Variants in BICRAL observed in about 807,000 individuals in gnomAD.
The protein encoded by BICRAL is BICRA like chromatin remodeling complex associated protein.
In BICRAL, 8 loss-of-function variants were observed where a neutral mutation model predicts 91.8. The observed-to-expected ratio is 0.09, with a 90% CI of 0.05 to 0.16. The LOEUF is 0.16. Ranked by LOEUF, BICRAL falls within the 10% of genes least tolerant of loss-of-function variation. The pLI, the probability that BICRAL is intolerant of heterozygous loss-of-function variation, is 1.00. For missense variants in BICRAL, 1,038 were observed against 1,310.9 expected, an observed-to-expected ratio of 0.79 and a Z score of 3.21; for synonymous variants, 445 against 491.1, an observed-to-expected ratio of 0.91 and a Z score of 1.24.
At chr6:42,794,979 T>TTA (rs528437045) in intron 1 of BICRAL, among the ~76,000 whole-genome samples, 48 of 149,132 alleles carry the variant, frequency 3.2e-4, no homozygotes, top group African/African-American at 1.1e-3. Flanking sequence ...AAAAAGAAAC[T>TTA]TACCATAAGT....
At chr6:42,805,520 G>A (rs1763680319) in intron 1 of BICRAL, among the ~76,000 whole-genome samples, 1 of 152,172 alleles carries the variant, frequency 6.6e-6, no homozygotes, top group Non-Finnish European at 1.5e-5. Flanking sequence ...GCCTGCTTCT[G>A]TTGCAGGTTT....
chr6:42,815,482 G>T (rs1000581314), intron 2 of BICRAL, among the ~76,000 whole-genome samples: 7 of 151,822 alleles, frequency 4.6e-5, no homozygotes, highest in Admixed American at 4.6e-4. Flanking sequence ...GTGAGCCACC[G>T]TGCCCAGCCC....
chr6:42,753,367 C>T (rs1762410007), intron 1 of BICRAL, among the ~76,000 whole-genome samples: 1 of 151,438 alleles, frequency 6.6e-6, no homozygotes, highest in South Asian at 2.1e-4. Context: ...CTTGGCCAAT[C>T]ATTGCTATAA....
chr6:42,845,201 T>G lies in BICRAL; in HGVS notation c.1840-6891T>G, dbSNP rs1764964123. On this transcript the variant is annotated intron_variant, in intron 6 of 12. Coordinates refer to ENST00000314073, the MANE Select transcript of BICRAL (RefSeq NM_001393499.1). ...TGTTTTTTGTTTTTTGGGTGTTTTT[T>G]TTTTTTTTTTTTTTTTTTTTTTTTT... is the stretch of plus-strand genomic sequence containing the variant. 9.9e-4 allele frequency among the ~76,000 whole-genome samples: 15 copies of G among 15,156 alleles called. 2 individuals are homozygous for G. Among genetic ancestry groups the G allele is most frequent in the South Asian group, 4.7e-3 (2 of 426 alleles). The allele number at this position is 15,156 out of a possible 152,430, so 9.9% of individuals were successfully genotyped here. A position where few individuals can be genotyped will look rare whatever the true frequency, so the allele number is the denominator to read the frequency against.
chr6:42,784,290 A>C (rs1029582348), intron 1 of BICRAL, among the ~76,000 whole-genome samples: 8 of 152,338 alleles, frequency 5.3e-5, no homozygotes, highest in African/African-American at 1.9e-4. Flanking sequence ...TGTTGGTAGT[A>C]TCTATTAGAG....
At chr6:42,780,467 G>A (rs1284531818), upstream of BICRAL, among the ~76,000 whole-genome samples, 2 of 152,142 alleles carry the variant, frequency 1.3e-5, no homozygotes, top group Non-Finnish European at 2.9e-5. Flanking sequence ...CTACTCCATA[G>A]GCAGAGCAGC....
At chr6:42,821,066 C>T (rs911266472) in intron 2 of BICRAL, 1 of 152,264 alleles carries the variant, frequency 6.6e-6, no homozygotes, top group Admixed American at 6.5e-5. Flanking sequence ...GGCATCTTTT[C>T]AGGATTTCAT....
chr6:42,760,291 C>T (rs989068042), intron 1 of BICRAL, among the ~76,000 whole-genome samples: 3 of 141,748 alleles, frequency 2.1e-5, no homozygotes, highest in African/African-American at 2.7e-5. Flanking sequence ...GGCCGAGGCA[C>T]GCGGATCACC....
At chr6:42,838,286 A>G (rs912835375) in intron 6 of BICRAL, among the ~76,000 whole-genome samples, 4 of 152,232 alleles carry the variant, frequency 2.6e-5, no homozygotes, top group South Asian at 4.1e-4. Context: ...TTTAGTCTGT[A>G]ACAGCACTGA....
chr6:42,746,691 T>C (rs1254318505), upstream of BICRAL, among the ~76,000 whole-genome samples: 2 of 149,288 alleles, frequency 1.3e-5, no homozygotes, highest in African/African-American at 5.0e-5. Flanking sequence ...CATTTCTGCC[T>C]CCCCGTAGCC....
chr6:42,844,377 C>T (rs1582866068), intron 6 of BICRAL, among the ~76,000 whole-genome samples: 1 of 150,930 alleles, frequency 6.6e-6, no homozygotes, highest in East Asian at 2.0e-4. Context: ...GGAGTGGTGG[C>T]GGGCACCTGT....
intron 1 of BICRAL, among the ~76,000 whole-genome samples, chr6:42,807,328 C>T (rs960797737): frequency 7.2e-5 from 11 of 151,748 alleles, no homozygotes; most frequent in African/African-American, 1.7e-4. Context: ...CGACTACAGG[C>T]GCCCGCCACC....
chr6:42,835,378 C>T (rs1764609623), intron 6 of BICRAL, among the ~76,000 whole-genome samples: 1 of 152,096 alleles, frequency 6.6e-6, no homozygotes, highest in South Asian at 2.1e-4. Context: ...ATCCACCCAC[C>T]TCAGCCTCCC....
intron 10 of BICRAL, among the ~76,000 whole-genome samples, chr6:42,859,592 C>T (rs1463068673): frequency 2.0e-5 from 3 of 152,026 alleles, no homozygotes; most frequent in Non-Finnish European, 4.4e-5. Context: ...GTTTTTCATA[C>T]CATTAGGCTT....
Position 42,828,913 on chromosome 6 carries a change from A to T in BICRAL, c.580A>T (p.Ile194Phe). The part of the protein sequence containing the change: ...VQHGFMQHVG[I>F]SVPSQHLSNS... The stretch of plus-strand genomic sequence containing the variant: ...ACATGGCTTTATGCAACATGTGGGG[A>T]TCAGTGTTCCCAGCCAGCATTTGTC... The change falls in exon 6 of 13, where the codon ATC (isoleucine) becomes TTC (phenylalanine). Residue 194 changes from isoleucine (I) to phenylalanine (F), a missense_variant. Transcript: ENST00000314073. 2 of 1,614,162 alleles carry T rather than the reference A, an allele frequency of 1.2e-6. No individual in the cohort carries two copies. Among genetic ancestry groups the T allele is most frequent in the Non-Finnish European group, 1.7e-6 (2 of 1,179,982 alleles).
At chr6:42,771,939 A>G (rs1294997834) in intron 1 of BICRAL, among the ~76,000 whole-genome samples, 1 of 152,218 alleles carries the variant, frequency 6.6e-6, no homozygotes. Flanking sequence ...GAACTGTCAC[A>G]AGATATGCTG....
At chr6:42,815,321 A>G (rs1039915763) in intron 2 of BICRAL, among the ~76,000 whole-genome samples, 1 of 149,670 alleles carries the variant, frequency 6.7e-6, no homozygotes, top group Non-Finnish European at 1.5e-5. Flanking sequence ...TCCCGAGTAG[A>G]TAGGATTACA....
At chr6:42,751,897 T>G (rs1582796239) in intron 1 of BICRAL, among the ~76,000 whole-genome samples, 1 of 151,838 alleles carries the variant, frequency 6.6e-6, no homozygotes, top group Non-Finnish European at 1.5e-5. Flanking sequence ...CCTCAGATGA[T>G]CCGCCCGCCT....
Position 42,792,755 on chromosome 6 carries a change from A to C in BICRAL, c.-102+10654A>C, listed in dbSNP as rs534253352. Among the ~76,000 whole-genome samples, 239 of 152,038 alleles carry C rather than the reference A, an allele frequency of 1.6e-3. 1 individual carries two copies. The highest frequency in any genetic ancestry group is 5.4e-3 in the African/African-American group (225 of 41,522). Reference sequence around the variant, plus strand: ...TGAAGAAACCCCATCTCTACTAAAAATACAAAAATTAGCCAGGTGTGGTGG... The same window carrying C: ...TGAAGAAACCCCATCTCTACTAAAACTACAAAAATTAGCCAGGTGTGGTGG... On this transcript the variant is annotated intron_variant, in intron 1 of 12. Transcript: ENST00000314073.
Sources: allele counts gnomAD v4.1 joint callset (sites outside exome capture counted in the v4.1 genomes callset), GRCh38; gene constraint gnomAD v4.1.1; transcripts MANE v1.5; gene names NCBI Gene and HGNC (gene_info 2026-07-23, HGNC 2026-07-21).